Variants in COBL observed in about 807,000 individuals in gnomAD.
The protein encoded by COBL is cordon-bleu WH2 repeat protein.
COBL carries 51 observed loss-of-function variants against 98.8 expected under a neutral mutation model. The ratio of observed to expected loss-of-function variants is 0.52; its 90% confidence interval spans 0.41 to 0.65. The LOEUF (loss-of-function observed/expected upper bound fraction) is 0.65, where lower values mean the gene tolerates loss of function less well. Among genes scored for constraint, COBL ranks in the 30% least tolerant of loss-of-function variants. The probability of loss-of-function intolerance (pLI) is 0.00; values close to 1 mark genes in which losing one functional copy is unlikely to be tolerated. For synonymous variants in COBL, 634 were observed against 651.7 expected, an observed-to-expected ratio of 0.97 and a Z score of 0.41; for missense variants, 1,617 against 1,617.5, an observed-to-expected ratio of 1.00 and a Z score of 0.01.
rs1371144432 is a variant in COBL, at chr7:51,030,826, T to A, written c.1490A>T (p.Asp497Val). 1 of 1,610,796 alleles carries A rather than the reference T, an allele frequency of 6.2e-7. No individual in the cohort carries two copies. Among genetic ancestry groups the A allele is most frequent in the African/African-American group, 1.3e-5 (1 of 74,834 alleles). Residue 497 changes from aspartate (D) to valine (V), a missense_variant, in exon 9 of 13, where the codon GAT becomes GTT. By Grantham distance (152) the Asp-to-Val change is radical. Transcript: ENST00000265136. ...GEFRKTLAEL[D>V]EDLEEMEDSY... ...GTGGTTCTTACCTTCCAGGTCTTCATCAAGTTCTGCAAGGGTTTTACGGAA... is the reference window on the plus strand; with the variant it reads ...GTGGTTCTTACCTTCCAGGTCTTCAACAAGTTCTGCAAGGGTTTTACGGAA...
intron 2 of COBL, among the ~76,000 whole-genome samples, chr7:51,202,796 T>A (rs2129066876): frequency 6.6e-6 from 1 of 152,304 alleles, no homozygotes; most frequent in South Asian, 2.1e-4. Context: ...ATCCCAGCAC[T>A]TTGGGAGGCC....
intron 8 of COBL, chr7:51,033,320 A>G (rs1319103433): frequency 6.6e-6 from 1 of 152,254 alleles, no homozygotes; most frequent in Admixed American, 6.5e-5. Context: ...GCTTTAAGGA[A>G]ACCCTATAGA....
At chr7:51,067,271 C>A (rs1000234422) in intron 7 of COBL, among the ~76,000 whole-genome samples, 4 of 152,194 alleles carry the variant, frequency 2.6e-5, no homozygotes, top group African/African-American at 9.7e-5. Flanking sequence ...TATTTGCACA[C>A]AAGTTACAAA....
At chr7:51,025,979 G>A (rs911333035) in intron 11 of COBL, among the ~76,000 whole-genome samples, 2 of 152,182 alleles carry the variant, frequency 1.3e-5, no homozygotes, top group African/African-American at 2.4e-5. Context: ...TGGCATATAA[G>A]AATAGACATA....
At chr7:51,152,082 A>G (rs1252871983) in intron 5 of COBL, among the ~76,000 whole-genome samples, 1 of 152,214 alleles carries the variant, frequency 6.6e-6, no homozygotes, top group Non-Finnish European at 1.5e-5. Flanking sequence ...TTCCATAACG[A>G]TGCCTTAAAG....
intron 6 of COBL, among the ~76,000 whole-genome samples, chr7:51,108,958 C>A (rs1561250): frequency 0.021 from 1,798 of 83,970 alleles, 52 homozygotes; most frequent in South Asian, 0.069. Context: ...ACACACACAC[C>A]CCCTGCCCCA....
intron 1 of COBL, among the ~76,000 whole-genome samples, chr7:51,288,741 CA>C (rs1254096511): frequency 6.6e-6 from 1 of 151,848 alleles, no homozygotes; most frequent in Non-Finnish European, 1.5e-5. Context: ...GCAACAAGAG[CA>C]AAACTCAGTC....
chr7:51,249,096 A>G, intron 1 of COBL, among the ~76,000 whole-genome samples: 1 of 152,206 alleles, frequency 6.6e-6, no homozygotes, highest in East Asian at 1.9e-4. Context: ...TAAATGATGG[A>G]ACTTTTGAAC....
chr7:51,144,440 G>A (rs1784838923), intron 5 of COBL, among the ~76,000 whole-genome samples: 1 of 152,174 alleles, frequency 6.6e-6, no homozygotes, highest in Non-Finnish European at 1.5e-5. Context: ...CTTTAATGAT[G>A]CACACACCCA....
chr7:51,301,787 C>T (rs1801990952), intron 1 of COBL, among the ~76,000 whole-genome samples: 2 of 152,236 alleles, frequency 1.3e-5, no homozygotes, highest in African/African-American at 2.4e-5. Flanking sequence ...CAGTGGACTG[C>T]AGGTTCCTCC....
chr7:51,028,271 T>C lies in COBL; in HGVS notation c.2825A>G (p.Glu942Gly). The part of the protein sequence containing the change: ...PCVTPPNNHG[E>G]DLAVGAPPRG... ...AGGAGGGGCTCCCACTGCCAAATCT[T>C]CCCCGTGGTTGTTGGGAGGAGTGAC... Residue 942 changes from glutamate (E) to glycine (G), a missense_variant, in exon 10 of 13, where the codon GAA becomes GGA. Glu to Gly is a moderately conservative substitution (Grantham distance 98). Transcript: ENST00000265136. 1.2e-6 allele frequency: 2 copies of C among 1,614,148 alleles called. No individual in the cohort carries two copies. The highest frequency in any genetic ancestry group is 1.7e-6 in the Non-Finnish European group (2 of 1,179,994).
intron 7 of COBL, chr7:51,072,866 G>C (rs1008612316): frequency 6.6e-6 from 1 of 152,442 alleles, no homozygotes; most frequent in Non-Finnish European, 1.5e-5. Flanking sequence ...TAAGTTGTGA[G>C]TTCCTAGTAA....
intron 1 of COBL, among the ~76,000 whole-genome samples, chr7:51,303,367 A>C (rs1802166115): frequency 6.6e-6 from 1 of 152,152 alleles, no homozygotes; most frequent in Non-Finnish European, 1.5e-5. Context: ...CAAGACCAGC[A>C]AAACCCATCT....
chr7:51,042,383 T>C (rs1006389697), intron 8 of COBL, among the ~76,000 whole-genome samples: 5 of 152,208 alleles, frequency 3.3e-5, no homozygotes, highest in African/African-American at 1.2e-4. Flanking sequence ...TTTTTGAGAC[T>C]GAGTCTTGTT....
rs1793469317 is a variant in COBL, at chr7:51,219,950, AAAC to A, written c.42-9_42-7del. The stretch of plus-strand genomic sequence containing the variant: ...CACGAGCCTTCATCTTCCTCCTTAA[AAAC>A]AACAACACAAAGGCACAGAGTCAGT... On this transcript the variant is annotated splice_polypyrimidine_tract_variant and splice_region_variant and intron_variant, in intron 1 of 12. Transcript: ENST00000265136. 3 of 1,608,494 alleles carry A rather than the reference AAAC, an allele frequency of 1.9e-6. No individual in the cohort carries two copies. The highest frequency in any genetic ancestry group is 1.7e-6 in the Non-Finnish European group (2 of 1,178,494).
At chr7:51,227,643 A>C (rs1794336514) in intron 1 of COBL, among the ~76,000 whole-genome samples, 1 of 152,178 alleles carries the variant, frequency 6.6e-6, no homozygotes, top group African/African-American at 2.4e-5. Flanking sequence ...CATGCCCCTG[A>C]GTCTCAGACT....
chr7:51,026,479 A>C (rs1299002988), intron 11 of COBL, 67 bp downstream of exon 11: 1 of 1,584,236 alleles, frequency 6.3e-7, no homozygotes, highest in African/African-American at 1.3e-5. Context: ...CCACCACCCA[A>C]GTGCCTCGGA....
chr7:51,290,969 G>A (rs1800836785), intron 1 of COBL, among the ~76,000 whole-genome samples: 2 of 152,130 alleles, frequency 1.3e-5, no homozygotes, highest in African/African-American at 4.8e-5. Context: ...CAAGAGCAAA[G>A]GCCACGTCTT....
intron 1 of COBL, among the ~76,000 whole-genome samples, chr7:51,244,684 G>T (rs1796128042): frequency 1.3e-5 from 2 of 152,148 alleles, no homozygotes; most frequent in African/African-American, 4.8e-5. Context: ...AGAGGAAACA[G>T]GCCCTCCCCA....
Sources: allele counts gnomAD v4.1 joint callset (sites outside exome capture counted in the v4.1 genomes callset), GRCh38; gene constraint gnomAD v4.1.1; transcripts MANE v1.5; gene names NCBI Gene and HGNC (gene_info 2026-07-23, HGNC 2026-07-21).